Variants in RYR1 observed in about 807,000 individuals in gnomAD.
The protein encoded by RYR1 is central core disease of muscle.
A neutral mutation model predicts 583.5 loss-of-function variants in RYR1; 342 were observed. The observed-to-expected ratio is 0.59, with a 90% CI of 0.54 to 0.64. RYR1 has a LOEUF of 0.64. Ranked by LOEUF, RYR1 falls within the 30% of genes least tolerant of loss-of-function variation. RYR1 has a pLI of 0.00. For missense variants in RYR1, 6,032 were observed against 6,917.2 expected (o/e 0.87, Z 4.54); for synonymous variants, 2,791 against 2,822.5 (o/e 0.99, Z 0.35).
At chr19:38,437,474 T>C (rs1972478366) in intron 1 of RYR1, among the ~76,000 whole-genome samples, 1 of 152,090 alleles carries the variant, frequency 6.6e-6, no homozygotes, top group Non-Finnish European at 1.5e-5. Context: ...GTGATTTTTA[T>C]TTTTCTCTCT....
intron 20 of RYR1, among the ~76,000 whole-genome samples, chr19:38,462,212 TC>T (rs893783925): frequency 9.2e-5 from 14 of 152,140 alleles, no homozygotes; most frequent in Admixed American, 3.3e-4. Flanking sequence ...CTCAGTTTGT[TC>T]CTCCGTGAGG....
At chr19:38,462,858 C>G (rs1446000743) in intron 20 of RYR1, among the ~76,000 whole-genome samples, 1 of 150,630 alleles carries the variant, frequency 6.6e-6, no homozygotes, top group Non-Finnish European at 1.5e-5. Flanking sequence ...GGGAGACAGA[C>G]CCGTCCCAGA....
In RYR1 at chr19:38,563,546, T is replaced by C. The variant is rs572919682; in HGVS notation, c.12625-1413T>C. On this transcript the variant is annotated intron_variant, in intron 90 of 105. Coordinates refer to ENST00000359596, the MANE Select transcript of RYR1 (RefSeq NM_000540.3). The stretch of plus-strand genomic sequence containing the variant: ...TCCCAAAGTGTTGGGATTACAGGTG[T>C]GCGCCACCGTGGCCTGCCCACTATA... Among the ~76,000 whole-genome samples the C allele has an allele frequency of 9.2e-5, 14 of 152,346 alleles. No individual in the cohort carries two copies. The South Asian group carries it at 2.5e-3, about 27-fold the overall frequency.
rs755659741 is a variant in RYR1 at position 38,548,378 on chromosome 19, AAC to A, written c.12241_12242del (p.Thr4081GlyfsTer37). On this transcript the variant is annotated frameshift_variant, in exon 89 of 106. Transcript: ENST00000359596. LOFTEE classifies it high-confidence loss of function. ...VGSEAFQDYV[T>X]DPRGLISKKD... ...GCTCTGAAGCCTTCCAGGACTACGT[AAC>A]GGATCCCCGTGGCCTCATCTCCAAG... 1 of 1,614,148 alleles carries A rather than the reference AAC, an allele frequency of 6.2e-7. No individual in the cohort carries two copies. The highest frequency in any genetic ancestry group is 8.5e-7 in the Non-Finnish European group (1 of 1,180,030).
chr19:38,443,477 A>C, intron 3 of RYR1, 81 bp from the exon 4 acceptor site: 1 of 1,286,114 alleles, frequency 7.8e-7, no homozygotes, highest in Non-Finnish European at 1.1e-6. Flanking sequence ...GCATCTTGTC[A>C]CCTGTGACTA....
At chr19:38,562,207 G>A (rs930249372) in intron 90 of RYR1, among the ~76,000 whole-genome samples, 3 of 152,040 alleles carry the variant, frequency 2.0e-5, no homozygotes, top group Non-Finnish European at 4.4e-5. Flanking sequence ...ACCCAGAAGA[G>A]CCCTCAGACC....
chr19:38,583,340 G>A (rs2145906643), intron 101 of RYR1, among the ~76,000 whole-genome samples: 1 of 151,420 alleles, frequency 6.6e-6, no homozygotes, highest in South Asian at 2.1e-4. Flanking sequence ...TTAGCTGGGT[G>A]GGGTGACACG....
chr19:38,584,869 G>A, intron 101 of RYR1, 74 bp from the exon 102 acceptor site: 1 of 1,583,356 alleles, frequency 6.3e-7, no homozygotes, highest in Admixed American at 1.7e-5. Context: ...CTTCAGCCCT[G>A]CCTATCCCGG....
In RYR1 at chr19:38,496,395, C is replaced by T; in HGVS notation, c.6664-14C>T. 6.2e-7 allele frequency: 1 copy of T among 1,613,826 alleles called. No homozygotes were observed. Among genetic ancestry groups the T allele is most frequent in the South Asian group, 1.1e-5 (1 of 91,080 alleles). ...GCCACAGAGGGCAGGCCCTGACCAC[C>T]CTGCCTGTCCCAGGAGATCCGCTTC... On this transcript the variant is annotated splice_polypyrimidine_tract_variant and intron_variant, in intron 40 of 105. Coordinates refer to ENST00000359596, the MANE Select transcript of RYR1 (RefSeq NM_000540.3). The surrounding 1 kb of genome is among the most constrained non-coding windows in gnomAD (Gnocchi z 4.8).
intron 50 of RYR1, 103 bp downstream of exon 50, chr19:38,504,463 A>T: frequency 6.9e-7 from 1 of 1,448,194 alleles, no homozygotes; most frequent in Non-Finnish European, 9.4e-7. Context: ...TTCAAGGAGG[A>T]GAAGGTTCTG....
chr19:38,480,600 G>GAA (rs141105911), intron 31 of RYR1, among the ~76,000 whole-genome samples: 1 of 149,568 alleles, frequency 6.7e-6, no homozygotes, highest in African/African-American at 2.4e-5. Context: ...TCACCTAAAA[G>GAA]AAAAAAAAAC....
In RYR1 at chr19:38,578,145, C is replaced by T. The variant is rs755948352; in HGVS notation, c.14305C>T (p.Leu4769Phe). ...CTCTCCCCACCCCCGCCCCCACAGG[C>T]TCATGTCCATCGATGTCAAGTACCA... is the stretch of plus-strand genomic sequence containing the variant. ...PNPPPGLLTW[L>F]MSIDVKYQIW... The change falls in exon 99 of 106, where the codon CTC (leucine) becomes TTC (phenylalanine). Residue 4769 changes from leucine to phenylalanine, a missense_variant and splice_region_variant. This residue lies in a region of RYR1 where 188 missense variants were observed against 215.6 expected (regional missense o/e 0.87). Transcript: ENST00000359596. The T allele has an allele frequency of 1.2e-5, 20 of 1,613,614 alleles. No homozygotes were observed. The East Asian group carries it at 4.0e-4, about 32-fold the overall frequency.
Position 38,561,361 on chromosome 19 carries a change from G to A in RYR1, c.12531G>A (p.Leu4177=). Residue 4177 remains leucine, a synonymous_variant, in exon 90 of 106, where the codon CTG becomes CTA. Transcript: ENST00000359596. The surrounding 1 kb of genome is among the most constrained non-coding windows in gnomAD (Gnocchi z 4.8). ...TCCTTGAGTACTTCCGCCCCTACCT[G>A]GGCCGCATCGAGATCATGGGCGCGT... ...ESILEYFRPY[L]GRIEIMGASR... 6.2e-7 allele frequency: 1 copy of A among 1,613,812 alleles called. No individual in the cohort carries two copies. Among genetic ancestry groups the A allele is most frequent in the Non-Finnish European group, 8.5e-7 (1 of 1,180,030 alleles).
At chr19:38,476,911 G>GT (rs1568473938) in intron 29 of RYR1, among the ~76,000 whole-genome samples, 2 of 152,076 alleles carry the variant, frequency 1.3e-5, no homozygotes, top group African/African-American at 4.8e-5. Flanking sequence ...GCTCACACCC[G>GT]TAGTCCCAGA....
chr19:38,572,751 C>T (rs1395442440), intron 95 of RYR1, among the ~76,000 whole-genome samples: 1 of 151,990 alleles, frequency 6.6e-6, no homozygotes, highest in Admixed American at 6.6e-5. Context: ...TGGCCCGATC[C>T]CTCTGCCTGT....
At chr19:38,470,771 A>G (rs1178742167) in intron 27 of RYR1, among the ~76,000 whole-genome samples, 1 of 152,030 alleles carries the variant, frequency 6.6e-6, no homozygotes, top group Non-Finnish European at 1.5e-5. Flanking sequence ...AAACAGAAGG[A>G]CTCTGCAAAA....
At chr19:38,505,637 A>C (rs1970409890) in intron 53 of RYR1, among the ~76,000 whole-genome samples, 169 bp from the exon 54 acceptor site, 1 of 152,092 alleles carries the variant, frequency 6.6e-6, no homozygotes, top group African/African-American at 2.4e-5. Context: ...CTAATGGGAT[A>C]AGGAGATTGG....
At chr19:38,478,628 A>G (rs776761591) in intron 31 of RYR1, 28 bp downstream of exon 31, 2 of 1,604,436 alleles carry the variant, frequency 1.2e-6, no homozygotes, top group African/African-American at 1.3e-5. Context: ...CAATTTAGCG[A>G]GAGCATCATG....
intron 11 of RYR1, among the ~76,000 whole-genome samples, chr19:38,450,473 G>T (rs1204693780): frequency 6.6e-6 from 1 of 152,164 alleles, no homozygotes; most frequent in Non-Finnish European, 1.5e-5. Flanking sequence ...CACACAAAGA[G>T]TGAGGTTAAG....
Sources: gnomAD v4.1 joint callset for allele counts (sites outside exome capture counted in the v4.1 genomes callset) on GRCh38, gnomAD v4.1.1 for gene constraint, gnomAD v4.1.1 regional missense constraint, Gnocchi (gnomAD v3.1) non-coding constraint, MANE v1.5 for transcripts, NCBI Gene and HGNC (gene_info 2026-07-23, HGNC 2026-07-21) for gene names.